The following KLRG1 variants were observed in gnomAD, a reference collection of about 807,000 sequenced individuals.
The protein encoded by KLRG1 is killer cell lectin like receptor G1.
Under a neutral mutation model 21.8 loss-of-function variants are expected in KLRG1, and 16 were observed. The observed-to-expected ratio is 0.73, with a 90% CI of 0.50 to 1.11. KLRG1 has a LOEUF of 1.11. Ranked by LOEUF, KLRG1 falls within the 50% of genes most tolerant of loss-of-function variation. KLRG1 has a pLI of 0.00. For synonymous variants in KLRG1, 69 were observed against 75.9 expected (o/e 0.91, Z 0.47); for missense variants, 173 against 218.3 (o/e 0.79, Z 1.31).
the KLRG1 span, among the ~76,000 whole-genome samples, chr12:9,093,204 A>G: frequency 6.6e-6 from 1 of 152,308 alleles, no homozygotes; most frequent in South Asian, 2.1e-4. Flanking sequence ...ACTGTATTGG[A>G]TACTGAAACT....
the KLRG1 span, chr12:9,101,437 C>T: frequency 1.2e-6 from 2 of 1,604,462 alleles, no homozygotes; most frequent in South Asian, 2.2e-5. Context: ...GCAGTAACCT[C>T]CCTTCTCACC....
chr12:9,032,318 A>G, the KLRG1 span, among the ~76,000 whole-genome samples: 1 of 152,212 alleles, frequency 6.6e-6, no homozygotes, highest in Non-Finnish European at 1.5e-5. Flanking sequence ...AAACTGGTCT[A>G]AGGACAATTA....
the KLRG1 span, among the ~76,000 whole-genome samples, chr12:9,105,483 C>T: frequency 6.6e-6 from 1 of 152,190 alleles, no homozygotes; most frequent in Non-Finnish European, 1.5e-5. Flanking sequence ...GCCTCTTTTA[C>T]ACCCTTCATA....
At chr12:9,074,570 G>C in the KLRG1 span, 14 of 1,610,450 alleles carry the variant, frequency 8.7e-6, no homozygotes, top group Non-Finnish European at 1.2e-5. Flanking sequence ...CTGGGTGGAG[G>C]AGAAACCGCC....
the KLRG1 span, among the ~76,000 whole-genome samples, chr12:9,203,404 C>T: frequency 1.5e-5 from 2 of 136,620 alleles, no homozygotes; most frequent in African/African-American, 2.8e-5. Flanking sequence ...TGCAGTGGGG[C>T]GATCTCGGCT....
At chr12:9,203,825 C>A in the KLRG1 span, 1 of 1,614,100 alleles carries the variant, frequency 6.2e-7, no homozygotes, top group Non-Finnish European at 8.5e-7. Flanking sequence ...TGAAGAGGCT[C>A]CTGTTTTCCC....
chr12:9,071,351 T>G, the KLRG1 span, among the ~76,000 whole-genome samples: 1 of 152,184 alleles, frequency 6.6e-6, no homozygotes, highest in South Asian at 2.1e-4. Flanking sequence ...CCTAGCGTCT[T>G]GTCCCCGAGA....
chr12:8,977,873 T>C (rs768432790), intron 1 of KLRG1, among the ~76,000 whole-genome samples: 1 of 152,292 alleles, frequency 6.6e-6, no homozygotes, highest in East Asian at 1.9e-4. Context: ...AATCTCATTC[T>C]TTTGAGACAG....
In KLRG1 at chr12:8,956,167, G is replaced by T. The variant is rs117221065; in HGVS notation, c.-156+5931G>T. 7.5e-4 allele frequency among the ~76,000 whole-genome samples: 114 copies of T among 152,300 alleles called. 1 individual carries two copies. The highest frequency in any genetic ancestry group is 1.2e-3 in the Non-Finnish European group (79 of 68,030). ...AGAACTCGGGACCTGCCGAACAGCG[G>T]GTGCAAAAGAACAGCAGGTGAAAGG... is the stretch of plus-strand genomic sequence containing the variant. On this transcript the variant is annotated intron_variant, in intron 1 of 4. Transcript: ENST00000539240.
the KLRG1 span, chr12:9,099,414 T>A: frequency 6.9e-5 from 108 of 1,571,432 alleles, no homozygotes; most frequent in Non-Finnish European, 7.6e-5. Flanking sequence ...CATCATATTT[T>A]GCAGAATCCC....
At chr12:9,054,965 C>G in the KLRG1 span, among the ~76,000 whole-genome samples, 1 of 152,146 alleles carries the variant, frequency 6.6e-6, no homozygotes, top group African/African-American at 2.4e-5. Context: ...CTAAAAAATT[C>G]AAAATTCAAA....
At chr12:9,011,895 A>T (rs34236568), downstream of KLRG1, among the ~76,000 whole-genome samples, 35,598 of 152,166 alleles carry the variant, frequency 0.23, 4,873 homozygotes, top group East Asian at 0.37. Flanking sequence ...TGGGACAGAA[A>T]TCAGCCAGTG....
At chr12:9,110,162 G>A in the KLRG1 span, 9 of 1,167,600 alleles carry the variant, frequency 7.7e-6, no homozygotes, top group South Asian at 1.4e-4. Flanking sequence ...GGTGAGTAGA[G>A]GAGATGAGTT....
At chr12:9,042,002 A>G in the KLRG1 span, among the ~76,000 whole-genome samples, 3 of 152,262 alleles carry the variant, frequency 2.0e-5, no homozygotes, top group East Asian at 5.8e-4. Flanking sequence ...TCTGGAAGGG[A>G]CTCTAAGAAA....
At chr12:9,180,963 C>T in the KLRG1 span, 1 of 1,607,284 alleles carries the variant, frequency 6.2e-7, no homozygotes, top group Non-Finnish European at 8.5e-7. Flanking sequence ...TCCTGGTCCC[C>T]AAGGCCACTG....
the KLRG1 span, chr12:9,095,583 GA>G: frequency 6.2e-7 from 1 of 1,611,852 alleles, no homozygotes; most frequent in South Asian, 1.1e-5. Flanking sequence ...CTTGATACTG[GA>G]GTATATGTGA....
chr12:9,169,456 C>T, the KLRG1 span: 2 of 1,608,638 alleles, frequency 1.2e-6, no homozygotes, highest in South Asian at 1.1e-5. Flanking sequence ...ATATCTGCTT[C>T]ATTACTTGAT....
chr12:9,099,735 A>G, the KLRG1 span, among the ~76,000 whole-genome samples: 1 of 152,194 alleles, frequency 6.6e-6, no homozygotes, highest in African/African-American at 2.4e-5. Flanking sequence ...CAGCTCACCC[A>G]CCTAATGTTC....
the KLRG1 span, chr12:9,027,945 G>A: frequency 1.2e-5 from 11 of 918,802 alleles, no homozygotes; most frequent in Non-Finnish European, 1.8e-5. Context: ...CTCTTGCTTT[G>A]ACAGTGCTTT....
Sources: allele counts gnomAD v4.1 joint callset (sites outside exome capture counted in the v4.1 genomes callset), GRCh38; gene constraint gnomAD v4.1.1; transcripts MANE v1.5; gene names NCBI Gene and HGNC (gene_info 2026-07-23, HGNC 2026-07-21).